The following PDE4D variants were observed in gnomAD, a reference collection of about 807,000 sequenced individuals.
PDE4D encodes phosphodiesterase 4D, also known as 3',5'-cyclic-AMP phosphodiesterase 4D.
In PDE4D, 24 loss-of-function variants were observed where a neutral mutation model predicts 87.4. That is an observed-to-expected ratio of 0.27 (90% CI 0.20 to 0.39). The LOEUF (loss-of-function observed/expected upper bound fraction) is 0.39. Among genes scored for constraint, PDE4D ranks in the 10% least tolerant of loss-of-function variants. The pLI is 1.00. For missense variants in PDE4D, 714 were observed against 1,041.0 expected (o/e 0.69, Z 4.32); for synonymous variants, 384 against 383.2 (o/e 1.00, Z -0.02).
chr5:59,637,199 C>T (rs779760813), intron 1 of PDE4D, among the ~76,000 whole-genome samples: 20 of 152,082 alleles, frequency 1.3e-4, no homozygotes, highest in Non-Finnish European at 2.5e-4. Context: ...AATGAGATAC[C>T]ATCTCACACC....
At chr5:59,574,094 AAATATATATT>A (rs1427636816) in intron 1 of PDE4D, among the ~76,000 whole-genome samples, 13 of 1,978 alleles carry the variant, frequency 6.6e-3, no homozygotes, top group African/African-American at 0.015. Flanking sequence ...TTATATATAT[AAATATATATT>A]TATATATATA....
chr5:59,549,382 T>C (rs1363608350), intron 1 of PDE4D, among the ~76,000 whole-genome samples: 1 of 152,232 alleles, frequency 6.6e-6, no homozygotes, highest in Middle Eastern at 3.2e-3. Flanking sequence ...GCAGTTTTAC[T>C]GTTAGCTAGA....
chr5:60,270,256 CA>C (rs1750676379), intron 1 of PDE4D, among the ~76,000 whole-genome samples: 1 of 152,144 alleles, frequency 6.6e-6, no homozygotes, highest in Admixed American at 6.5e-5. Context: ...AACATATCCC[CA>C]AAAAGCAACT....
chr5:59,029,997 CTG>C (rs1757032968), intron 6 of PDE4D, among the ~76,000 whole-genome samples: 1 of 152,104 alleles, frequency 6.6e-6, no homozygotes, highest in African/African-American at 2.4e-5. Flanking sequence ...AAGAAAGAAA[CTG>C]TACTCTTATC....
intron 1 of PDE4D, among the ~76,000 whole-genome samples, chr5:59,639,856 T>TGTGTGA (rs1741262577): frequency 7.5e-6 from 1 of 133,906 alleles, no homozygotes; most frequent in Admixed American, 7.8e-5. Context: ...TGTGTGTGTG[T>TGTGTGA]GATGGGATGG....
chr5:59,833,957 T>C (rs1351866304), intron 1 of PDE4D, among the ~76,000 whole-genome samples: 3 of 152,164 alleles, frequency 2.0e-5, no homozygotes, highest in East Asian at 3.9e-4. Flanking sequence ...TGTCAGTTAT[T>C]AACTGACAAG....
At chr5:59,841,201 A>G (rs1454337764) in intron 1 of PDE4D, among the ~76,000 whole-genome samples, 1 of 152,080 alleles carries the variant, frequency 6.6e-6, no homozygotes, top group African/African-American at 2.4e-5. Context: ...ATGAAGAAAC[A>G]GGGTGGCTAT....
At chr5:59,425,139 T>C (rs2702371) in intron 1 of PDE4D, among the ~76,000 whole-genome samples, 58,310 of 152,092 alleles carry the variant, frequency 0.38, 12,824 homozygotes, top group Non-Finnish European at 0.49. Context: ...AATTACTGAA[T>C]GCTTTATATT....
chr5:60,359,445 T>C (rs1446636176), intron 1 of PDE4D, among the ~76,000 whole-genome samples: 1 of 152,040 alleles, frequency 6.6e-6, no homozygotes, highest in Non-Finnish European at 1.5e-5. Flanking sequence ...GAAGAAAATA[T>C]TGTTATAAGA....
At chr5:59,042,360 A>G (rs949925319) in intron 5 of PDE4D, among the ~76,000 whole-genome samples, 14 of 152,330 alleles carry the variant, frequency 9.2e-5, no homozygotes, top group African/African-American at 3.1e-4. Context: ...GGAGTTGCCA[A>G]CTATCCCACA....
intron 1 of PDE4D, among the ~76,000 whole-genome samples, chr5:59,880,910 T>C (rs1320754410): frequency 4.6e-5 from 7 of 152,228 alleles, no homozygotes; most frequent in African/African-American, 9.6e-5. Flanking sequence ...TTTTGTGAAA[T>C]ATTTCATGTT....
chr5:59,864,008 C>G (rs750913355), intron 1 of PDE4D, among the ~76,000 whole-genome samples: 44 of 152,284 alleles, frequency 2.9e-4, no homozygotes, highest in Non-Finnish European at 8.8e-5. Flanking sequence ...GAACAGCACA[C>G]AGCACAGCAT....
chr5:60,248,819 T>C (rs941742739), intron 1 of PDE4D, among the ~76,000 whole-genome samples: 2 of 151,984 alleles, frequency 1.3e-5, no homozygotes, highest in Non-Finnish European at 2.9e-5. Flanking sequence ...CTCTTTACAT[T>C]CAGTGCTCCA....
intron 1 of PDE4D, among the ~76,000 whole-genome samples, chr5:59,818,688 G>A (rs1368450912): frequency 6.6e-6 from 1 of 152,102 alleles, no homozygotes; most frequent in African/African-American, 2.4e-5. Flanking sequence ...CAGTGACAAA[G>A]GCTTTCTCCT....
intron 1 of PDE4D, among the ~76,000 whole-genome samples, chr5:59,815,034 T>C (rs1768821883): frequency 6.6e-6 from 1 of 152,174 alleles, no homozygotes; most frequent in South Asian, 2.1e-4. Context: ...AGCATAATAA[T>C]GCTGTATTAT....
At chr5:59,299,629 G>A (rs1769781899) in intron 1 of PDE4D, among the ~76,000 whole-genome samples, 1 of 152,118 alleles carries the variant, frequency 6.6e-6, no homozygotes, top group Non-Finnish European at 1.5e-5. Context: ...GATTAGGTTT[G>A]TTTGTCTGTT....
At chr5:60,089,101 T>C (rs2152909677) in intron 2 of PDE4D, among the ~76,000 whole-genome samples, 1 of 152,126 alleles carries the variant, frequency 6.6e-6, no homozygotes, top group East Asian at 1.9e-4. Flanking sequence ...TAGGAGACTT[T>C]AACACTCCAC....
At chr5:59,676,794 T>C (rs1748161519) in intron 1 of PDE4D, among the ~76,000 whole-genome samples, 3 of 152,140 alleles carry the variant, frequency 2.0e-5, no homozygotes. Context: ...TTCAATATCC[T>C]CTAAGTATTT....
chr5:59,583,192 T>A (rs900223893), intron 1 of PDE4D, among the ~76,000 whole-genome samples: 3 of 152,228 alleles, frequency 2.0e-5, no homozygotes, highest in African/African-American at 7.2e-5. Context: ...TTGTTATATA[T>A]CTTTTAAGTC....
Sources: allele counts gnomAD v4.1 joint callset (sites outside exome capture counted in the v4.1 genomes callset), GRCh38; gene constraint gnomAD v4.1.1; transcripts MANE v1.5; gene names NCBI Gene and HGNC (gene_info 2026-07-23, HGNC 2026-07-21).